TMEM132C: variants seen among roughly 807,000 people sequenced by gnomAD.
TMEM132C encodes the protein transmembrane protein 132C.
A neutral mutation model predicts 61.4 loss-of-function variants in TMEM132C; 29 were observed. That is an observed-to-expected ratio of 0.47 (90% CI 0.35 to 0.64). The LOEUF is 0.64. Among genes scored for constraint, TMEM132C ranks in the 30% least tolerant of loss-of-function variants. TMEM132C has a pLI of 0.00. For missense variants in TMEM132C, 1,408 were observed against 1,476.9 expected, an observed-to-expected ratio of 0.95 and a Z score of 0.76; for synonymous variants, 656 against 633.1, an observed-to-expected ratio of 1.04 and a Z score of -0.54.
chr12:128,632,519 T>G (rs967575305), intron 4 of TMEM132C, among the ~76,000 whole-genome samples: 1 of 152,228 alleles, frequency 6.6e-6, no homozygotes, highest in Non-Finnish European at 1.5e-5. Flanking sequence ...ATTATGCTAG[T>G]TTCTGTGCTG....
chr12:128,340,464 G>A (rs984159491), intron 1 of TMEM132C, among the ~76,000 whole-genome samples: 3 of 151,978 alleles, frequency 2.0e-5, no homozygotes, highest in Non-Finnish European at 4.4e-5. Context: ...AAATTCATAA[G>A]GAAATATAAA....
chr12:128,679,211 G>C (rs1169644676), intron 5 of TMEM132C, among the ~76,000 whole-genome samples: 1 of 152,262 alleles, frequency 6.6e-6, no homozygotes, highest in Non-Finnish European at 1.5e-5. Context: ...GCTGAGAGCT[G>C]TTCAAAGCAG....
chr12:128,489,170 C>T (rs1311966132), intron 2 of TMEM132C, among the ~76,000 whole-genome samples: 1 of 152,082 alleles, frequency 6.6e-6, no homozygotes, highest in African/African-American at 2.4e-5. Context: ...TTCCTCTCCC[C>T]TGTCCACCCC....
chr12:128,300,829 GAGCCTCAACACC>G (rs1202074368), intron 1 of TMEM132C, among the ~76,000 whole-genome samples: 2 of 152,170 alleles, frequency 1.3e-5, no homozygotes, highest in Non-Finnish European at 2.9e-5. Flanking sequence ...TTGAGGCTAG[GAGCCTCAACACC>G]AGCCTGGGCA....
At chr12:128,309,119 G>C (rs915773867) in intron 1 of TMEM132C, among the ~76,000 whole-genome samples, 2 of 152,114 alleles carry the variant, frequency 1.3e-5, no homozygotes, top group African/African-American at 4.8e-5. Flanking sequence ...TCCCGTGACG[G>C]GACTGCTGAC....
rs745958170 is a variant in TMEM132C at position 128,355,144 on chromosome 12, C to T, written c.86-59588C>T. Among the ~76,000 whole-genome samples, 39 of 152,228 alleles carry T rather than the reference C, an allele frequency of 2.6e-4. 1 individual carries two copies. The highest frequency in any genetic ancestry group is 4.2e-4 in the South Asian group (2 of 4,812). ...CTTTTGAGATATTACATTTTAAGCC[C>T]GCAGAAGCCCAAAGAAGAAACAACC... is the stretch of plus-strand genomic sequence containing the variant. On this transcript the variant is annotated intron_variant, in intron 1 of 8. Transcript: ENST00000435159.
intron 1 of TMEM132C, among the ~76,000 whole-genome samples, chr12:128,322,564 C>A (rs181447120): frequency 6.6e-6 from 1 of 152,222 alleles, no homozygotes; most frequent in Non-Finnish European, 1.5e-5. Context: ...CATATGGCTA[C>A]GCCATGGGGG....
At chr12:128,546,665 A>G (rs762669376) in intron 3 of TMEM132C, among the ~76,000 whole-genome samples, 15 of 152,148 alleles carry the variant, frequency 9.9e-5, no homozygotes, top group Non-Finnish European at 1.8e-4. Context: ...GGCACTGCAG[A>G]TGGTTAGACC....
intron 2 of TMEM132C, among the ~76,000 whole-genome samples, chr12:128,417,608 CT>C (rs1490856162): frequency 6.6e-6 from 1 of 152,158 alleles, no homozygotes; most frequent in Non-Finnish European, 1.5e-5. Flanking sequence ...CAGTTTCCTC[CT>C]CTCTAAAGCA....
intron 5 of TMEM132C, among the ~76,000 whole-genome samples, chr12:128,678,171 T>C (rs11059823): frequency 0.019 from 2,940 of 152,326 alleles, 89 homozygotes; most frequent in South Asian, 0.13. Flanking sequence ...GTTCTTGTCA[T>C]GGCTGAGGGG....
intron 6 of TMEM132C, among the ~76,000 whole-genome samples, chr12:128,695,442 T>G (rs1954752705): frequency 1.3e-5 from 2 of 152,090 alleles, no homozygotes; most frequent in Non-Finnish European, 2.9e-5. Flanking sequence ...GAGGATCACT[T>G]AAGCCCAGGA....
intron 2 of TMEM132C, among the ~76,000 whole-genome samples, chr12:128,536,942 G>C (rs1873554756): frequency 6.6e-6 from 1 of 152,184 alleles, no homozygotes; most frequent in Non-Finnish European, 1.5e-5. Flanking sequence ...CCAGAAGCAA[G>C]AAACAAGCCA....
Position 128,641,366 on chromosome 12 carries a change from G to A in TMEM132C, c.1305+25031G>A, listed in dbSNP as rs145752935. On this transcript the variant is annotated intron_variant, in intron 4 of 8. Coordinates refer to ENST00000435159, the MANE Select transcript of TMEM132C (RefSeq NM_001136103.3). ...AGGTATGTCCAAGTCTTAACACCACGTACCTGTAAATATGACCTTGCTTGG... is the reference window on the plus strand; with the variant it reads ...AGGTATGTCCAAGTCTTAACACCACATACCTGTAAATATGACCTTGCTTGG... 1.3e-4 allele frequency among the ~76,000 whole-genome samples: 20 copies of A among 152,278 alleles called. 1 individual carries two copies. Among genetic ancestry groups the A allele is most frequent in the Admixed American group, 6.5e-4 (10 of 15,298 alleles).
chr12:128,408,835 T>A (rs1011448580), intron 1 of TMEM132C, among the ~76,000 whole-genome samples: 3 of 152,204 alleles, frequency 2.0e-5, no homozygotes, highest in African/African-American at 7.2e-5. Flanking sequence ...CAAGTCCGTT[T>A]GGCTGCAGCA....
chr12:128,519,484 T>C (rs116525203), intron 2 of TMEM132C, among the ~76,000 whole-genome samples: 370 of 152,324 alleles, frequency 2.4e-3, no homozygotes, highest in African/African-American at 8.5e-3. Flanking sequence ...TACAGCTGCA[T>C]TCATCAAATC....
At chr12:128,338,255 G>T (rs561872261) in intron 1 of TMEM132C, among the ~76,000 whole-genome samples, 1 of 152,138 alleles carries the variant, frequency 6.6e-6, no homozygotes, top group East Asian at 1.9e-4. Flanking sequence ...CAGAGAGTGG[G>T]AAATTACTAG....
chr12:128,463,020 C>T (rs7297788), intron 2 of TMEM132C, among the ~76,000 whole-genome samples: 12,482 of 152,148 alleles, frequency 0.082, 604 homozygotes, highest in Middle Eastern at 0.12. Context: ...CTCGTGGCTG[C>T]AGACGGCTGC....
intron 1 of TMEM132C, among the ~76,000 whole-genome samples, chr12:128,320,100 G>C (rs1007220710): frequency 2.6e-5 from 4 of 152,198 alleles, no homozygotes; most frequent in Non-Finnish European, 5.9e-5. Flanking sequence ...AAAGTTGTTA[G>C]TTAGGAACGC....
intron 1 of TMEM132C, among the ~76,000 whole-genome samples, chr12:128,400,732 C>T (rs559152264): frequency 6.6e-6 from 1 of 152,026 alleles, no homozygotes; most frequent in South Asian, 2.1e-4. Context: ...ACTCAGCCTC[C>T]TGAGTAGCTG....
Sources: allele counts gnomAD v4.1 joint callset (sites outside exome capture counted in the v4.1 genomes callset), GRCh38; gene constraint gnomAD v4.1.1; transcripts MANE v1.5; gene names NCBI Gene and HGNC (gene_info 2026-07-23, HGNC 2026-07-21).